MALRD1: variants seen among roughly 807,000 people sequenced by gnomAD.
The protein encoded by MALRD1 is MAM and LDL-receptor class A domain-containing protein 1.
A neutral mutation model predicts 242.1 loss-of-function variants in MALRD1; 247 were observed. The observed-to-expected ratio is 1.02, with a 90% CI of 0.92 to 1.13. MALRD1 has a LOEUF of 1.13. Ranked by LOEUF, MALRD1 falls within the 50% of genes most tolerant of loss-of-function variation. The probability of loss-of-function intolerance (pLI) is 0.00; values close to 1 mark genes in which losing one functional copy is unlikely to be tolerated. For synonymous variants in MALRD1, 995 were observed against 866.6 expected, an observed-to-expected ratio of 1.15 and a Z score of -2.60; for missense variants, 2,989 against 2,533.1, an observed-to-expected ratio of 1.18 and a Z score of -3.86.
chr10:19,183,054 T>C (rs12218387), intron 14 of MALRD1, among the ~76,000 whole-genome samples: 7,780 of 150,908 alleles, frequency 0.052, 356 homozygotes, highest in East Asian at 0.22. Context: ...CCCACCCTCA[T>C]AGGGAATTGA....
intron 38 of MALRD1, among the ~76,000 whole-genome samples, chr10:19,693,980 A>T (rs1833236652): frequency 1.3e-5 from 2 of 152,150 alleles, no homozygotes; most frequent in South Asian, 4.1e-4. Flanking sequence ...TGGGGAAAGG[A>T]TTCCCTATTT....
chr10:19,538,009 T>G (rs2131368399), intron 32 of MALRD1, among the ~76,000 whole-genome samples: 1 of 152,322 alleles, frequency 6.6e-6, no homozygotes, highest in East Asian at 1.9e-4. Flanking sequence ...GACTTAGATC[T>G]TCACTGACAT....
intron 8 of MALRD1, among the ~76,000 whole-genome samples, chr10:19,133,160 T>C (rs1833182331): frequency 6.6e-6 from 1 of 152,092 alleles, no homozygotes. Flanking sequence ...TTGAGTTTCT[T>C]ACATTCAATA....
chr10:19,388,003 C>T (rs894846657), intron 27 of MALRD1, among the ~76,000 whole-genome samples: 7 of 152,066 alleles, frequency 4.6e-5, no homozygotes, highest in Admixed American at 2.6e-4. Context: ...GCTGGAAGTT[C>T]AAGATCAAGA....
rs116076700 is a variant in MALRD1, at chr10:19,660,211, G to A, written c.6138-32071G>A. On this transcript the variant is annotated intron_variant, in intron 36 of 39. Coordinates refer to ENST00000454679, the MANE Select transcript of MALRD1 (RefSeq NM_001142308.3). ...AATATGTCAGAGCTCGGGTATGTTT[G>A]TCTTAATCTGCCAGATTTATGATTT... 3.0e-3 allele frequency among the ~76,000 whole-genome samples: 458 copies of A among 152,248 alleles called. 2 individuals are homozygous for A. The highest frequency in any genetic ancestry group is 9.8e-3 in the African/African-American group (408 of 41,564).
rs571499815 is a variant in MALRD1 at position 19,587,810 on chromosome 10, A to G, written c.5681-7384A>G. Reference sequence around the variant, plus strand: ...AATGCCAGGAATTGGAACTGTCTGCATAGCACAAAGTGAAGTGGAGTATGG... The same window carrying G: ...AATGCCAGGAATTGGAACTGTCTGCGTAGCACAAAGTGAAGTGGAGTATGG... On this transcript the variant is annotated intron_variant, in intron 33 of 39. Transcript: ENST00000454679. Among the ~76,000 whole-genome samples the G allele has an allele frequency of 1.0e-3, 157 of 152,206 alleles. 1 individual carries two copies. The Middle Eastern group carries it at 0.017, about 17-fold the overall frequency.
At position 19,420,496 on chromosome 10, in the gene MALRD1, A is replaced by G. The variant is rs893525531; in HGVS notation, c.4846-29811A>G. ...TGTTTCCATGGAATCACTATTCCCT[A>G]CATCTAATATGAAAAACAGAGGAAT... On this transcript the variant is annotated intron_variant, in intron 28 of 39. Coordinates refer to ENST00000454679, the MANE Select transcript of MALRD1 (RefSeq NM_001142308.3). 2.6e-5 allele frequency among the ~76,000 whole-genome samples: 4 copies of G among 152,178 alleles called. No homozygotes were observed. In the South Asian group the frequency reaches 8.3e-4, roughly 31 times the overall value.
At chr10:19,319,663 C>T (rs909165504) in intron 21 of MALRD1, among the ~76,000 whole-genome samples, 8 of 152,038 alleles carry the variant, frequency 5.3e-5, no homozygotes, top group African/African-American at 1.9e-4. Context: ...CCTATTTCCT[C>T]CTTCATGGAT....
intron 33 of MALRD1, 117 bp from the exon 34 acceptor site, chr10:19,595,077 T>G (rs1260922200): frequency 2.9e-6 from 3 of 1,036,514 alleles, no homozygotes; most frequent in East Asian, 2.6e-5. Context: ...AGAAATTAAT[T>G]TACTTCAATT....
At chr10:19,635,026 G>C (rs1020004874) in intron 36 of MALRD1, among the ~76,000 whole-genome samples, 4 of 152,140 alleles carry the variant, frequency 2.6e-5, no homozygotes, top group African/African-American at 9.7e-5. Flanking sequence ...ATTTGTCATG[G>C]CAAGGATCAC....
At chr10:19,373,434 G>A (rs534385855) in intron 26 of MALRD1, among the ~76,000 whole-genome samples, 7 of 151,822 alleles carry the variant, frequency 4.6e-5, no homozygotes, top group Non-Finnish European at 1.0e-4. Flanking sequence ...CAGGAGAATC[G>A]CTTGAAACCA....
intron 4 of MALRD1, among the ~76,000 whole-genome samples, chr10:19,095,286 CT>C (rs1835985791): frequency 6.6e-6 from 1 of 152,032 alleles, no homozygotes; most frequent in African/African-American, 2.4e-5. Context: ...TTGTAAATCA[CT>C]ATAATTTGGA....
chr10:19,326,294 A>G (rs1564564915), intron 22 of MALRD1, among the ~76,000 whole-genome samples: 5 of 152,248 alleles, frequency 3.3e-5, no homozygotes, highest in South Asian at 4.1e-4. Context: ...ATGATGTGAA[A>G]TATGCTTTCA....
At chr10:19,285,569 G>A (rs1377125828) in intron 21 of MALRD1, among the ~76,000 whole-genome samples, 1 of 151,664 alleles carries the variant, frequency 6.6e-6, no homozygotes, top group East Asian at 1.9e-4. Flanking sequence ...TTGTAGATAT[G>A]CGGCGTTATT....
chr10:19,103,562 A>AAT (rs1554789201), intron 4 of MALRD1, among the ~76,000 whole-genome samples: 21 of 142,660 alleles, frequency 1.5e-4, no homozygotes, highest in South Asian at 6.7e-4. Flanking sequence ...AAAAAAAAAA[A>AAT]AAATAAATAA....
chr10:19,304,826 T>C (rs530009327), intron 21 of MALRD1, among the ~76,000 whole-genome samples: 122 of 151,964 alleles, frequency 8.0e-4, no homozygotes, highest in African/African-American at 2.8e-3. Flanking sequence ...CATTGTGATA[T>C]CAGTGAGAAA....
intron 5 of MALRD1, among the ~76,000 whole-genome samples, chr10:19,120,886 G>A (rs1426523076): frequency 6.6e-6 from 1 of 152,082 alleles, no homozygotes; most frequent in African/African-American, 2.4e-5. Context: ...TGGGACTACA[G>A]GCATGCAACA....
chr10:19,271,502 T>C (rs1012676162), intron 19 of MALRD1, among the ~76,000 whole-genome samples: 3 of 152,178 alleles, frequency 2.0e-5, no homozygotes, highest in African/African-American at 7.2e-5. Flanking sequence ...CGGTGGCTCA[T>C]GCCTGTAATC....
In MALRD1 at chr10:19,124,523, G is replaced by A. The variant is rs1837182886; in HGVS notation, c.797-1G>A. 2 of 1,233,772 alleles carry A rather than the reference G, an allele frequency of 1.6e-6. No homozygotes were observed. The allele number at this position is 1,233,772 out of a possible 1,614,324, so 76.4% of individuals were successfully genotyped here. On this transcript the variant is annotated splice_acceptor_variant, in intron 6 of 39. Transcript: ENST00000454679. LOFTEE classifies it high-confidence loss of function. ...CACCAAGATCTTTTTCTCCCGTTTA[G>A]TGTGTCAGGCCTGTGGGTTTGAATT...
Sources: gnomAD v4.1 joint callset for allele counts (sites outside exome capture counted in the v4.1 genomes callset) on GRCh38, gnomAD v4.1.1 for gene constraint, MANE v1.5 for transcripts, NCBI Gene and HGNC (gene_info 2026-07-23, HGNC 2026-07-21) for gene names.